The following DNAJC9 variants were observed in gnomAD, a reference collection of about 807,000 sequenced individuals.
DNAJC9 encodes DnaJ heat shock protein family (Hsp40) member C9, also known as dnaJ homolog subfamily C member 9.
DNAJC9 carries 18 observed loss-of-function variants against 32.4 expected under a neutral mutation model. That is an observed-to-expected ratio of 0.56 (90% confidence interval 0.38 to 0.82). The LOEUF is 0.82. Among genes scored for constraint, DNAJC9 ranks in the 40% least tolerant of loss-of-function variants. DNAJC9 has a pLI of 0.00. For synonymous variants in DNAJC9, 113 were observed against 122.1 expected, an observed-to-expected ratio of 0.93 and a Z score of 0.49; for missense variants, 310 against 321.8, an observed-to-expected ratio of 0.96 and a Z score of 0.28.
intron 2 of DNAJC9, among the ~76,000 whole-genome samples, 176 bp downstream of exon 2, chr10:73,246,512 A>C (rs1017777370): frequency 2.6e-5 from 4 of 152,246 alleles, no homozygotes; most frequent in Non-Finnish European, 4.4e-5. Context: ...AATCACATTA[A>C]CAGGAAATTT....
chr10:73,240,999 C>T, downstream of DNAJC9: 9 of 1,522,374 alleles, frequency 5.9e-6, no homozygotes, highest in East Asian at 2.5e-5. Flanking sequence ...ACCAGTCTCT[C>T]GAACCAGGCA....
At chr10:73,233,136 TG>T (rs2043749000) in intron 2 of DNAJC9, 1 of 1,551,500 alleles carries the variant, frequency 6.4e-7, no homozygotes, top group South Asian at 1.2e-5. Flanking sequence ...CCAAGATCTG[TG>T]GAAGAAATCC....
chr10:73,243,948 T>C lies in DNAJC9; in HGVS notation c.577-19A>G, dbSNP rs200313574. The C allele has an allele frequency of 1.8e-5, 29 of 1,609,166 alleles. 1 individual carries two copies. Among genetic ancestry groups the C allele is most frequent in the Non-Finnish European group, 2.5e-5 (29 of 1,176,848 alleles). On this transcript the variant is annotated intron_variant, in intron 3 of 4. Coordinates refer to ENST00000372950, the MANE Select transcript of DNAJC9 (RefSeq NM_015190.5). Reference sequence around the variant, plus strand: ...CCTGAGCCTGAAACAGGAACTCACATGAGACTCAGGGCCACCAGGAAATGC... The same window carrying C: ...CCTGAGCCTGAAACAGGAACTCACACGAGACTCAGGGCCACCAGGAAATGC...
downstream of DNAJC9, chr10:73,240,841 A>G (rs2043933327): frequency 2.8e-6 from 2 of 705,236 alleles, no homozygotes; most frequent in Admixed American, 4.4e-5. Flanking sequence ...TCATACCTTA[A>G]GAAAGTCCAA....
chr10:73,244,843 T>C (rs1003583488), intron 3 of DNAJC9, among the ~76,000 whole-genome samples: 1 of 152,222 alleles, frequency 6.6e-6, no homozygotes. Flanking sequence ...AGGATGATGA[T>C]ACATTAGGAC....
At chr10:73,241,110 G>C, downstream of DNAJC9, 1 of 784,564 alleles carries the variant, frequency 1.3e-6, no homozygotes, top group East Asian at 2.8e-5. Context: ...TTGTATAGAA[G>C]ATCGACTAGA....
At position 73,243,414 on chromosome 10, in the gene DNAJC9, T is replaced by G. The variant is rs2043975374; in HGVS notation, c.769A>C (p.Lys257Gln). 1 of 1,613,836 alleles carries G rather than the reference T, an allele frequency of 6.2e-7. No homozygotes were observed. Among genetic ancestry groups the G allele is most frequent in the African/African-American group, 1.3e-5 (1 of 74,926 alleles). Residue 257 changes from lysine to glutamine, a missense_variant, in exon 5 of 5, where the codon AAA becomes CAA. By Grantham distance (53) the Lys-to-Gln change is moderately conservative. Coordinates refer to ENST00000372950, the MANE Select transcript of DNAJC9 (RefSeq NM_015190.5). ...GAAAAATTCCATTATTTCTTTTCTT[T>G]CTTGAGAGCAGATTTTTTCCCTCCT... ...KGGGKKSALK[K>Q]EKK is the part of the protein sequence containing the mutation.
At position 73,242,593 on chromosome 10, in the gene DNAJC9, AAC is replaced by A. The variant is rs2133423445; in HGVS notation, c.*805_*806del. Reference sequence around the variant, plus strand: ...ATGTAGTAACTCTTTTATAAAAGGGAACAGATTCAGACAAGCTCAGTGGCCCA... The same window carrying A: ...ATGTAGTAACTCTTTTATAAAAGGGAAGATTCAGACAAGCTCAGTGGCCCA... On this transcript the variant is annotated 3_prime_UTR_variant, in exon 5 of 5. Coordinates refer to ENST00000372950, the MANE Select transcript of DNAJC9 (RefSeq NM_015190.5). 6.6e-6 allele frequency: 1 copy of A among 152,306 alleles called. No individual in the cohort carries two copies. Among genetic ancestry groups the A allele is most frequent in the South Asian group, 2.1e-4 (1 of 4,826 alleles). The allele number at this position is 152,306 out of a possible 1,614,324, so 9.4% of individuals were successfully genotyped here.
chr10:73,237,398 T>C (rs1434270209), downstream of DNAJC9, among the ~76,000 whole-genome samples: 1 of 152,120 alleles, frequency 6.6e-6, no homozygotes, highest in Non-Finnish European at 1.5e-5. Context: ...GATGATTATA[T>C]TACACAGCTA....
chr10:73,240,329 C>T (rs146589016), downstream of DNAJC9, among the ~76,000 whole-genome samples: 1 of 152,274 alleles, frequency 6.6e-6, no homozygotes, highest in East Asian at 1.9e-4. Context: ...AGCTCAGTTC[C>T]CCGCAGCATT....
In DNAJC9 at chr10:73,246,295, T is replaced by G; in HGVS notation, c.322-119A>C. Reference sequence around the variant, plus strand: ...ATACAACAGTTGCTTGAGTTGAAATTATTGAACCAGATTTTCTATGCCTAA... The same window carrying G: ...ATACAACAGTTGCTTGAGTTGAAATGATTGAACCAGATTTTCTATGCCTAA... On this transcript the variant is annotated intron_variant, in intron 2 of 4. Transcript: ENST00000372950. 1.7e-6 allele frequency: 2 copies of G among 1,144,318 alleles called. 1 individual carries two copies. Among genetic ancestry groups the G allele is most frequent in the Non-Finnish European group, 2.5e-6 (2 of 813,624 alleles). 70.9% of individuals were successfully genotyped at this position (1,144,318 alleles called of 1,614,324 possible). A position where few individuals can be genotyped will look rare whatever the true frequency, so the allele number is the denominator to read the frequency against.
downstream of DNAJC9, among the ~76,000 whole-genome samples, chr10:73,238,328 C>T (rs1429187121): frequency 6.6e-6 from 1 of 152,186 alleles, no homozygotes; most frequent in African/African-American, 2.4e-5. Flanking sequence ...ACCTGGGCGA[C>T]AGAGCGAGAA....
At chr10:73,244,892 TTC>T (rs1421366851) in intron 3 of DNAJC9, among the ~76,000 whole-genome samples, 2 of 152,174 alleles carry the variant, frequency 1.3e-5, no homozygotes, top group Non-Finnish European at 2.9e-5. Context: ...TGTATTCAAA[TTC>T]TCTCTTTAAA....
chr10:73,243,759 G>T (rs935445730), intron 4 of DNAJC9, 84 bp downstream of exon 4: 4 of 1,351,546 alleles, frequency 3.0e-6, no homozygotes, highest in Admixed American at 2.0e-5. Context: ...CTTAAAAGAA[G>T]AAAACAAAAT....
chr10:73,234,603 CCA>C (rs541916345), downstream of DNAJC9: 314 of 532,524 alleles, frequency 5.9e-4, 2 homozygotes, highest in South Asian at 6.8e-3. Context: ...TGTTGTGTAC[CCA>C]GAGTATAGAG....
chr10:73,246,960 TA>T, intron 1 of DNAJC9, 49 bp downstream of exon 1: 1 of 1,558,276 alleles, frequency 6.4e-7, no homozygotes. Flanking sequence ...GCCAAAAGGC[TA>T]GGGGGAGGCC....
chr10:73,246,590 C>T, intron 2 of DNAJC9, 98 bp downstream of exon 2: 1 of 1,426,118 alleles, frequency 7.0e-7, no homozygotes, highest in Non-Finnish European at 9.6e-7. Context: ...CTAATTCCTA[C>T]AAAATTAACA....
intron 3 of DNAJC9, among the ~76,000 whole-genome samples, chr10:73,244,938 A>G (rs1458485126): frequency 6.6e-6 from 1 of 152,314 alleles, no homozygotes; most frequent in South Asian, 2.1e-4. Context: ...TGAACAGTCT[A>G]TCAAAACTAT....
chr10:73,243,771 C>T lies in DNAJC9; in HGVS notation c.663+72G>A, dbSNP rs146570416. 1.0e-4 allele frequency: 144 copies of T among 1,402,384 alleles called. 2 individuals are homozygous for T. The African/African-American group carries it at 1.9e-3, about 19-fold the overall frequency. The allele number at this position is 1,402,384 out of a possible 1,614,324, so 86.9% of individuals were successfully genotyped here. ...TGTCTTAAAAGAAGAAAACAAAATA[C>T]AACATTCCAAAGAAAATATTAGCAG... is the stretch of plus-strand genomic sequence containing the variant. On this transcript the variant is annotated intron_variant, in intron 4 of 4. Coordinates refer to ENST00000372950, the MANE Select transcript of DNAJC9 (RefSeq NM_015190.5).
Sources: gnomAD v4.1 joint callset for allele counts (sites outside exome capture counted in the v4.1 genomes callset) on GRCh38, gnomAD v4.1.1 for gene constraint, MANE v1.5 for transcripts, NCBI Gene and HGNC (gene_info 2026-07-23, HGNC 2026-07-21) for gene names.